Variants in HDAC9 observed in about 807,000 individuals in gnomAD.
HDAC9 encodes histone deacetylase 9.
Under a neutral mutation model 139.4 loss-of-function variants are expected in HDAC9, and 41 were observed. That is an observed-to-expected ratio of 0.29 (90% CI 0.23 to 0.38). The LOEUF (loss-of-function observed/expected upper bound fraction) is 0.38. Ranked by LOEUF, HDAC9 falls within the 10% of genes least tolerant of loss-of-function variation. The probability of loss-of-function intolerance (pLI) is 1.00; values close to 1 mark genes in which losing one functional copy is unlikely to be tolerated. For missense variants in HDAC9, 1,147 were observed against 1,297.0 expected (o/e 0.88, Z 1.78); for synonymous variants, 517 against 476.2 (o/e 1.09, Z -1.12).
intron 13 of HDAC9, among the ~76,000 whole-genome samples, chr7:18,739,915 G>A (rs1787290873): frequency 1.3e-5 from 2 of 152,286 alleles, no homozygotes; most frequent in Non-Finnish European, 1.5e-5. Context: ...GAGCTGCAGT[G>A]GGCTCTGCCC....
chr7:18,216,129 T>TGAGA (rs59712565), intron 2 of HDAC9, among the ~76,000 whole-genome samples: 2 of 143,656 alleles, frequency 1.4e-5, no homozygotes, highest in Non-Finnish European at 3.1e-5. Context: ...TGTGTGTGTG[T>TGAGA]GAGAGAGAGA....
intron 25 of HDAC9, 95 bp from the exon 26 acceptor site, chr7:18,995,928 A>C: frequency 2.3e-6 from 2 of 852,394 alleles, no homozygotes; most frequent in South Asian, 3.1e-5. Context: ...TAAACATCAG[A>C]GAGAGCTGAA....
intron 21 of HDAC9, among the ~76,000 whole-genome samples, chr7:18,852,319 TCC>T (rs1797360587): frequency 6.6e-6 from 1 of 152,176 alleles, no homozygotes; most frequent in Non-Finnish European, 1.5e-5. Context: ...GGACTCTTAA[TCC>T]AAGTCTTGTG....
chr7:18,992,633 C>CAA (rs1786077113), intron 25 of HDAC9, among the ~76,000 whole-genome samples: 1 of 151,668 alleles, frequency 6.6e-6, no homozygotes, highest in Non-Finnish European at 1.5e-5. Flanking sequence ...TTTAAAACCA[C>CAA]AAGAAATAAG....
At chr7:18,334,981 ACTTTT>A (rs1311856389) in intron 1 of HDAC9, among the ~76,000 whole-genome samples, 34 of 151,632 alleles carry the variant, frequency 2.2e-4, no homozygotes, top group African/African-American at 7.7e-4. Context: ...TTAGGAGACA[ACTTTT>A]CTTTTTGTCC....
rs79071579 is a variant in HDAC9 at position 18,961,583 on chromosome 7, G to A, written c.3022+7353G>A. Among the ~76,000 whole-genome samples the A allele has an allele frequency of 3.3e-5, 5 of 152,226 alleles. No homozygotes were observed. In the East Asian group the frequency reaches 5.8e-4, roughly 18 times the overall value. Reference sequence around the variant, plus strand: ...TACATTTTCACTGTATTGAAGTTACGGAGGAACATTGGATGAAATTATTTA... The same window carrying A: ...TACATTTTCACTGTATTGAAGTTACAGAGGAACATTGGATGAAATTATTTA... On this transcript the variant is annotated intron_variant, in intron 24 of 25. Coordinates refer to ENST00000686413, the MANE Select transcript of HDAC9 (RefSeq NM_178425.4).
At chr7:18,571,545 A>G (rs970048068) in intron 2 of HDAC9, among the ~76,000 whole-genome samples, 4 of 152,192 alleles carry the variant, frequency 2.6e-5, no homozygotes, top group African/African-American at 9.7e-5. Context: ...GTTTAAAGAA[A>G]TGTTTTTCTT....
intron 1 of HDAC9, among the ~76,000 whole-genome samples, chr7:18,420,530 C>G (rs530441201): frequency 4.6e-5 from 7 of 152,192 alleles, no homozygotes; most frequent in Non-Finnish European, 8.8e-5. Context: ...AAAGATTTTT[C>G]ATATTTAAAA....
rs955441380 is a variant in HDAC9 at position 18,996,793 on chromosome 7, G to T, written c.*731G>T. 2 of 152,064 alleles carry T rather than the reference G, an allele frequency of 1.3e-5. No homozygotes were observed. Among genetic ancestry groups the T allele is most frequent in the Non-Finnish European group, 2.9e-5 (2 of 68,030 alleles). The allele number at this position is 152,064 out of a possible 1,614,324, so 9.4% of individuals were successfully genotyped here. The stretch of plus-strand genomic sequence containing the variant: ...AACATCTTTGTGTTCTCACACACAG[G>T]CAATTTGCAATGTTGCAATTGTGTT... On this transcript the variant is annotated 3_prime_UTR_variant, in exon 26 of 26. Coordinates refer to ENST00000686413, the MANE Select transcript of HDAC9 (RefSeq NM_178425.4).
chr7:18,590,407 G>A lies in HDAC9; in HGVS notation c.336G>A (p.Gln112=), dbSNP rs754379897. 3 of 1,610,270 alleles carry A rather than the reference G, an allele frequency of 1.9e-6. No homozygotes were observed. Among genetic ancestry groups the A allele is most frequent in the Non-Finnish European group, 2.5e-6 (3 of 1,178,192 alleles). Residue 112 remains glutamine, a synonymous_variant, in exon 4 of 26, where the codon CAG becomes CAA. Coordinates refer to ENST00000686413, the MANE Select transcript of HDAC9 (RefSeq NM_178425.4). ...AAAAGGAGCAGAAACTGGAGCAGCA[G>A]AGGCAAGAACAGGAAGTAGAGAGGC... ...LLEKEQKLEQ[Q]RQEQEVERHR...
At chr7:18,777,259 C>A (rs149157959) in intron 16 of HDAC9, among the ~76,000 whole-genome samples, 2,323 of 152,060 alleles carry the variant, frequency 0.015, 64 homozygotes, top group African/African-American at 0.053. Context: ...TGGGCAGCTG[C>A]AAATTATATA....
At chr7:18,515,303 T>G (rs1209274598) in intron 2 of HDAC9, among the ~76,000 whole-genome samples, 1 of 152,224 alleles carries the variant, frequency 6.6e-6, no homozygotes, top group Middle Eastern at 3.2e-3. Flanking sequence ...CTGAATATAG[T>G]GTGCCTCACT....
At chr7:18,446,947 A>G (rs1040389809) in intron 1 of HDAC9, among the ~76,000 whole-genome samples, 1 of 152,216 alleles carries the variant, frequency 6.6e-6, no homozygotes, top group Non-Finnish European at 1.5e-5. Flanking sequence ...AAAAGATTCA[A>G]CGTATATCTA....
chr7:18,509,559 G>T (rs1311919869), intron 2 of HDAC9: 7 of 600,546 alleles, frequency 1.2e-5, no homozygotes, highest in Non-Finnish European at 1.3e-5. Flanking sequence ...TGTTTTTGTT[G>T]TTGTTGATTT....
chr7:18,800,743 G>T (rs894147198), intron 17 of HDAC9, among the ~76,000 whole-genome samples: 1 of 152,100 alleles, frequency 6.6e-6, no homozygotes, highest in African/African-American at 2.4e-5. Context: ...TGAGATGGGA[G>T]GATTGCTTGA....
At chr7:18,893,272 G>A (rs781430744) in intron 22 of HDAC9, among the ~76,000 whole-genome samples, 1 of 152,102 alleles carries the variant, frequency 6.6e-6, no homozygotes, top group African/African-American at 2.4e-5. Context: ...TAGTTGTGTA[G>A]TTTGTGCTTT....
chr7:18,897,974 C>G (rs945997200), intron 22 of HDAC9, among the ~76,000 whole-genome samples: 1 of 151,802 alleles, frequency 6.6e-6, no homozygotes, highest in African/African-American at 2.4e-5. Flanking sequence ...AAGTCAATCT[C>G]TTCAGGAACA....
At chr7:18,921,858 G>GT (rs1803766356) in intron 22 of HDAC9, among the ~76,000 whole-genome samples, 1 of 152,222 alleles carries the variant, frequency 6.6e-6, no homozygotes, top group East Asian at 1.9e-4. Flanking sequence ...ACTGGATTAA[G>GT]AAAATGTGGC....
intron 1 of HDAC9, among the ~76,000 whole-genome samples, chr7:18,115,165 C>A (rs576502591): frequency 2.0e-4 from 30 of 151,952 alleles, no homozygotes; most frequent in Non-Finnish European, 4.1e-4. Context: ...TGGTGGCGGG[C>A]GCCTGTAGTC....
Sources: allele counts gnomAD v4.1 joint callset (sites outside exome capture counted in the v4.1 genomes callset), GRCh38; gene constraint gnomAD v4.1.1; transcripts MANE v1.5; gene names NCBI Gene and HGNC (gene_info 2026-07-23, HGNC 2026-07-21).